The following ZBTB20 variants were observed in gnomAD, a reference collection of about 807,000 sequenced individuals.
ZBTB20 encodes zinc finger and BTB domain containing 20, also known as zinc finger and BTB domain-containing protein 20.
In ZBTB20, 9 loss-of-function variants were observed where a neutral mutation model predicts 56.9. That is an observed-to-expected ratio of 0.16 (90% CI 0.10 to 0.28). The LOEUF (loss-of-function observed/expected upper bound fraction) is 0.28. ZBTB20 is among the 10% of genes least tolerant of loss of function. The pLI, the probability that ZBTB20 is intolerant of heterozygous loss-of-function variation, is 1.00. For synonymous variants in ZBTB20, 417 were observed against 420.7 expected, an observed-to-expected ratio of 0.99 and a Z score of 0.11; for missense variants, 655 against 1,003.0, an observed-to-expected ratio of 0.65 and a Z score of 4.69.
At chr3:114,631,027 C>G (rs2058908438) in intron 6 of ZBTB20, among the ~76,000 whole-genome samples, 1 of 152,016 alleles carries the variant, frequency 6.6e-6, no homozygotes, top group South Asian at 2.1e-4. Flanking sequence ...AGATAAATAC[C>G]TATAATAGAA....
At chr3:114,624,725 A>G (rs1560053820) in intron 6 of ZBTB20, among the ~76,000 whole-genome samples, 1 of 152,130 alleles carries the variant, frequency 6.6e-6, no homozygotes, top group African/African-American at 2.4e-5. Context: ...GGGGAAGGGT[A>G]CGACTGTGGA....
At chr3:115,121,075 A>C (rs952721085) in intron 1 of ZBTB20, among the ~76,000 whole-genome samples, 2 of 152,056 alleles carry the variant, frequency 1.3e-5, no homozygotes, top group Non-Finnish European at 2.9e-5. Context: ...AAAGTGCTTT[A>C]ATGCCTGGAC....
chr3:114,357,639 C>T (rs2081389499), intron 10 of ZBTB20, among the ~76,000 whole-genome samples: 1 of 152,126 alleles, frequency 6.6e-6, no homozygotes, highest in Non-Finnish European at 1.5e-5. Context: ...CAGTGGCTTT[C>T]ATCAAAATCT....
chr3:114,610,944 T>G (rs1044198099), intron 6 of ZBTB20, among the ~76,000 whole-genome samples: 1 of 152,174 alleles, frequency 6.6e-6, no homozygotes, highest in African/African-American at 2.4e-5. Flanking sequence ...TTAGTCAAAT[T>G]TTTATCCTTC....
At chr3:115,015,772 A>T (rs538579836) in intron 2 of ZBTB20, among the ~76,000 whole-genome samples, 155 of 152,020 alleles carry the variant, frequency 1.0e-3, no homozygotes, top group Middle Eastern at 3.4e-3. Flanking sequence ...TACTGCTGCA[A>T]TTGGCATAAA....
intron 11 of ZBTB20, among the ~76,000 whole-genome samples, chr3:114,349,648 G>A (rs2080479061): frequency 6.6e-6 from 1 of 152,140 alleles, no homozygotes; most frequent in African/African-American, 2.4e-5. Context: ...CATTGGTCTA[G>A]TTCCACCTTT....
chr3:114,748,334 C>CTTCT lies in ZBTB20; in HGVS notation c.-343+52763_-343+52766dup, dbSNP rs71146331. On this transcript the variant is annotated intron_variant, in intron 5 of 11. Coordinates refer to ENST00000675478, the MANE Select transcript of ZBTB20 (RefSeq NM_001348800.3). ...TCTTTCTTTCTTTCTTTCTTTCTTT[C>CTTCT]TTCTTTCTTTCTTTCTTTTCTCTCT... 1.7e-3 allele frequency among the ~76,000 whole-genome samples: 97 copies of CTTCT among 57,200 alleles called. 1 individual carries two copies. The highest frequency in any genetic ancestry group is 2.3e-3 in the East Asian group (4 of 1,742). The allele number at this position is 57,200 out of a possible 152,430, so 37.5% of individuals were successfully genotyped here.
chr3:114,870,394 G>A (rs1560344118), intron 4 of ZBTB20, among the ~76,000 whole-genome samples: 4 of 150,004 alleles, frequency 2.7e-5, no homozygotes, highest in African/African-American at 9.8e-5. Context: ...CATCTTGAGA[G>A]GACTGTCATC....
intron 5 of ZBTB20, among the ~76,000 whole-genome samples, chr3:114,791,465 C>T (rs1156919950): frequency 1.3e-5 from 2 of 152,272 alleles, no homozygotes; most frequent in Admixed American, 1.3e-4. Context: ...AGTCAGGCCC[C>T]TCACACTTTC....
At chr3:114,914,928 C>T (rs1378916158) in intron 3 of ZBTB20, among the ~76,000 whole-genome samples, 1 of 151,766 alleles carries the variant, frequency 6.6e-6, no homozygotes, top group Non-Finnish European at 1.5e-5. Flanking sequence ...TCCACTTGGT[C>T]ATGATGATCC....
intron 4 of ZBTB20, among the ~76,000 whole-genome samples, chr3:114,884,129 T>G (rs1325007306): frequency 6.6e-6 from 1 of 150,756 alleles, no homozygotes; most frequent in Non-Finnish European, 1.5e-5. Context: ...GTTTCACCGT[T>G]TTAGCCGGGA....
intron 7 of ZBTB20, among the ~76,000 whole-genome samples, chr3:114,466,533 T>C (rs920881586): frequency 6.6e-6 from 1 of 152,198 alleles, no homozygotes; most frequent in Non-Finnish European, 1.5e-5. Context: ...ACCCAGCCAA[T>C]AGTGTACTTA....
At chr3:114,579,541 T>TA (rs200905111) in intron 6 of ZBTB20, among the ~76,000 whole-genome samples, 53 of 147,786 alleles carry the variant, frequency 3.6e-4, no homozygotes, top group African/African-American at 8.2e-4. Context: ...CCTAAAAATA[T>TA]AAAAAAAAAG....
At chr3:115,142,844 T>A (rs2084855462) in intron 1 of ZBTB20, among the ~76,000 whole-genome samples, 1 of 152,118 alleles carries the variant, frequency 6.6e-6, no homozygotes, top group South Asian at 2.1e-4. Context: ...GCTGATTATG[T>A]TCCAAATTAG....
intron 2 of ZBTB20, among the ~76,000 whole-genome samples, chr3:115,051,332 G>A (rs1560527437): frequency 6.6e-6 from 1 of 151,924 alleles, no homozygotes; most frequent in Non-Finnish European, 1.5e-5. Context: ...AGATTTTGGA[G>A]AGAAAAATGA....
rs545358363 is a variant in ZBTB20, at chr3:115,146,842, GAGA to G, written c.-703+374_-703+376del. On this transcript the variant is annotated intron_variant, in intron 1 of 11. Transcript: ENST00000675478. ...AGCGGCTCCAGGCGCAGGGAGTAGA[GAGA>G]AGAAGGCAGAAGACACGTTTCCAGC... 1.5e-3 allele frequency among the ~76,000 whole-genome samples: 221 copies of G among 152,226 alleles called. 4 individuals carry two copies. The highest frequency in any genetic ancestry group is 0.013 in the Admixed American group (192 of 15,294).
intron 6 of ZBTB20, among the ~76,000 whole-genome samples, chr3:114,632,101 A>G (rs535394871): frequency 1.3e-5 from 2 of 152,268 alleles, no homozygotes; most frequent in East Asian, 3.9e-4. Flanking sequence ...GTTTTTACCT[A>G]TGTCTGGCCA....
intron 5 of ZBTB20, chr3:114,743,648 T>G (rs1242234949): frequency 6.5e-6 from 1 of 154,208 alleles, no homozygotes; most frequent in African/African-American, 2.4e-5. Context: ...GAAGTGAAAT[T>G]ATCAGTCCCT....
chr3:114,604,957 G>C (rs916698451), intron 6 of ZBTB20, among the ~76,000 whole-genome samples: 2 of 151,796 alleles, frequency 1.3e-5, no homozygotes, highest in African/African-American at 2.4e-5. Context: ...CATTTCTTGA[G>C]GAATTTTAAT....
Sources: allele counts gnomAD v4.1 joint callset (sites outside exome capture counted in the v4.1 genomes callset), GRCh38; gene constraint gnomAD v4.1.1; transcripts MANE v1.5; gene names NCBI Gene and HGNC (gene_info 2026-07-23, HGNC 2026-07-21).